CFAP57: variants seen among roughly 807,000 people sequenced by gnomAD.
CFAP57 encodes cilia- and flagella-associated protein 57.
Under a neutral mutation model 146.8 loss-of-function variants are expected in CFAP57, and 116 were observed. The ratio of observed to expected loss-of-function variants is 0.79; its 90% CI spans 0.68 to 0.92. The LOEUF (loss-of-function observed/expected upper bound fraction) is 0.92. Ranked by LOEUF, CFAP57 falls within the 40% of genes least tolerant of loss-of-function variation. The pLI, the probability that CFAP57 is intolerant of heterozygous loss-of-function variation, is 0.00. For synonymous variants in CFAP57, 518 were observed against 552.8 expected, an observed-to-expected ratio of 0.94 and a Z score of 0.88; for missense variants, 1,377 against 1,527.2, an observed-to-expected ratio of 0.90 and a Z score of 1.64.
At chr1:43,177,245 C>A (rs1464665335) in intron 2 of CFAP57, 1 of 455,838 alleles carries the variant, frequency 2.2e-6, no homozygotes, top group Non-Finnish European at 4.4e-6. Flanking sequence ...CAGGTAGAGG[C>A]AGGCGACAGG....
chr1:43,218,302 G>T (rs923907805), intron 12 of CFAP57, among the ~76,000 whole-genome samples: 1 of 152,164 alleles, frequency 6.6e-6, no homozygotes, highest in African/African-American at 2.4e-5. Flanking sequence ...CATTGAGTAC[G>T]ATGGGAGAAG....
intron 9 of CFAP57, among the ~76,000 whole-genome samples, chr1:43,204,857 T>G (rs974884301): frequency 1.3e-5 from 2 of 152,298 alleles, no homozygotes; most frequent in Middle Eastern, 3.4e-3. Context: ...GCCTTGGGCA[T>G]GCACAGAGTC....
At chr1:43,228,727 G>A (rs75638994) in intron 18 of CFAP57, among the ~76,000 whole-genome samples, 1,618 of 149,202 alleles carry the variant, frequency 0.011, 185 homozygotes, top group African/African-American at 0.038. Flanking sequence ...GGCAGCTGTC[G>A]TCCTTTCGGG....
At chr1:43,194,208 T>C (rs1643722859) in intron 6 of CFAP57, among the ~76,000 whole-genome samples, 1 of 152,154 alleles carries the variant, frequency 6.6e-6, no homozygotes, top group African/African-American at 2.4e-5. Flanking sequence ...TTCTAAAAGA[T>C]AGCTTTGCAG....
intron 18 of CFAP57, among the ~76,000 whole-genome samples, 174 bp downstream of exon 18, chr1:43,227,300 C>T (rs1258785842): frequency 1.3e-5 from 2 of 152,344 alleles, no homozygotes; most frequent in Middle Eastern, 6.8e-3. Flanking sequence ...GGCCCCGCTG[C>T]AGGCTCAGCT....
chr1:43,182,896 G>A (rs1645473581), intron 3 of CFAP57, among the ~76,000 whole-genome samples: 2 of 152,166 alleles, frequency 1.3e-5, no homozygotes, highest in South Asian at 4.1e-4. Flanking sequence ...ACTTACTATG[G>A]TTCAACTTAA....
rs201280798 is a variant in CFAP57, at chr1:43,199,387, T to C, written c.1429-3T>C. 9.9e-6 allele frequency: 16 copies of C among 1,613,858 alleles called. No homozygotes were observed. The highest frequency in any genetic ancestry group is 1.4e-5 in the Non-Finnish European group (16 of 1,179,788). On this transcript the variant is annotated splice_region_variant and splice_polypyrimidine_tract_variant and intron_variant, in intron 8 of 22. Coordinates refer to ENST00000372492, the MANE Select transcript of CFAP57 (RefSeq NM_001378189.1). ...CTTGCTCTCTTGCTGTCTTTCCCTA[T>C]AGTGTTCCTTTAGCAATGGAGGTCA...
intron 21 of CFAP57, among the ~76,000 whole-genome samples, chr1:43,236,407 G>A (rs528779912): frequency 6.6e-6 from 1 of 151,834 alleles, no homozygotes; most frequent in Non-Finnish European, 1.5e-5. Context: ...TGCCGACCCT[G>A]GTTTACCCTG....
chr1:43,231,844 G>A (rs1645484545), intron 18 of CFAP57, among the ~76,000 whole-genome samples: 1 of 152,182 alleles, frequency 6.6e-6, no homozygotes. Context: ...CTGCACTCCA[G>A]CCTCGGCAAC....
At chr1:43,207,484 T>C (rs931501047) in intron 10 of CFAP57, among the ~76,000 whole-genome samples, 6 of 152,222 alleles carry the variant, frequency 3.9e-5, no homozygotes, top group African/African-American at 1.4e-4. Flanking sequence ...AGCAGTAGGC[T>C]CTACCACATA....
chr1:43,239,051 C>A (rs1645807197), intron 21 of CFAP57, among the ~76,000 whole-genome samples: 1 of 152,012 alleles, frequency 6.6e-6, no homozygotes, highest in African/African-American at 2.4e-5. Context: ...CTGGAACACT[C>A]TTCTCCTCTG....
intron 12 of CFAP57, among the ~76,000 whole-genome samples, chr1:43,216,486 G>T (rs1644838311): frequency 6.6e-6 from 1 of 152,180 alleles, no homozygotes; most frequent in Non-Finnish European, 1.5e-5. Context: ...TTCCCAGAGG[G>T]TAGGGGAAGA....
chr1:43,248,152 A>C (rs1306213484), intron 22 of CFAP57, among the ~76,000 whole-genome samples: 2 of 151,124 alleles, frequency 1.3e-5, no homozygotes, highest in East Asian at 1.9e-4. Context: ...AAAAAAAAAA[A>C]AAAAAAAACA....
rs115599492 is a variant in CFAP57, at chr1:43,221,685, G to A, written c.2341+220G>A. Among the ~76,000 whole-genome samples the A allele has an allele frequency of 9.5e-3, 1,439 of 152,260 alleles. 23 individuals are homozygous for A. Among genetic ancestry groups the A allele is most frequent in the African/African-American group, 0.033 (1,352 of 41,534 alleles). ...CCTATTGCATGAAAGTAGGAGGCAC[G>A]GAAAAGGTCAAGTTTGGAACCTGAT... On this transcript the variant is annotated intron_variant, in intron 14 of 22. Transcript: ENST00000372492.
At chr1:43,245,326 C>CAAA (rs66511657) in intron 22 of CFAP57, among the ~76,000 whole-genome samples, 150 of 142,184 alleles carry the variant, frequency 1.1e-3, no homozygotes, top group African/African-American at 3.0e-3. Flanking sequence ...GACCCTGTCT[C>CAAA]AAAAAAAAAA....
chr1:43,196,516 A>G (rs1353276796), intron 6 of CFAP57: 1 of 153,280 alleles, frequency 6.5e-6, no homozygotes, highest in East Asian at 1.9e-4. Context: ...ATACTAGCGT[A>G]GGATAGAGTG....
Position 43,218,093 on chromosome 1 carries a change from C to T in CFAP57, c.2092-1289C>T, listed in dbSNP as rs115753587. Among the ~76,000 whole-genome samples the T allele has an allele frequency of 4.7e-3, 711 of 152,260 alleles. 6 individuals carry two copies. Among genetic ancestry groups the T allele is most frequent in the African/African-American group, 0.016 (661 of 41,534 alleles). The stretch of plus-strand genomic sequence containing the variant: ...TGCTGGCCAGGAATGCAGAAATGTG[C>T]GTAATCCATTCCTTGATGTCAAGTC... On this transcript the variant is annotated intron_variant, in intron 12 of 22. Coordinates refer to ENST00000372492, the MANE Select transcript of CFAP57 (RefSeq NM_001378189.1).
At chr1:43,192,995 A>G (rs72968456) in intron 6 of CFAP57, among the ~76,000 whole-genome samples, 6,973 of 152,082 alleles carry the variant, frequency 0.046, 231 homozygotes, top group African/African-American at 0.09. Flanking sequence ...TGAGCTGTCT[A>G]TTTTCCCCTT....
intron 21 of CFAP57, among the ~76,000 whole-genome samples, chr1:43,235,199 G>C (rs1054424187): frequency 3.9e-5 from 6 of 151,984 alleles, no homozygotes; most frequent in Non-Finnish European, 5.9e-5. Context: ...CCCAGAGCTG[G>C]CCTCACTCTG....
Sources: gnomAD v4.1 joint callset for allele counts (sites outside exome capture counted in the v4.1 genomes callset) on GRCh38, gnomAD v4.1.1 for gene constraint, MANE v1.5 for transcripts, NCBI Gene and HGNC (gene_info 2026-07-23, HGNC 2026-07-21) for gene names.